Variants in GABBR2 observed in about 807,000 individuals in gnomAD.
GABBR2 encodes the protein G-protein coupled receptor 51.
A neutral mutation model predicts 105.6 loss-of-function variants in GABBR2; 23 were observed. The ratio of observed to expected loss-of-function variants is 0.22; its 90% CI spans 0.16 to 0.31. The LOEUF is 0.31. Among genes scored for constraint, GABBR2 ranks in the 10% least tolerant of loss-of-function variants. The pLI is 1.00. For missense variants in GABBR2, 734 were observed against 1,245.5 expected (o/e 0.59, Z 6.18); for synonymous variants, 478 against 499.7 (o/e 0.96, Z 0.58).
intron 13 of GABBR2, among the ~76,000 whole-genome samples, chr9:98,348,651 C>G (rs903371225): frequency 6.6e-6 from 1 of 152,112 alleles, no homozygotes; most frequent in Admixed American, 6.5e-5. Flanking sequence ...TCTTTCACTT[C>G]CTTGGTCAAT....
intron 3 of GABBR2, among the ~76,000 whole-genome samples, chr9:98,524,168 G>T (rs1295491813): frequency 6.6e-6 from 1 of 152,124 alleles, no homozygotes; most frequent in Non-Finnish European, 1.5e-5. Flanking sequence ...CTTGTAAAAA[G>T]GGCAGACTGA....
intron 1 of GABBR2, among the ~76,000 whole-genome samples, chr9:98,578,280 A>C (rs1441003069): frequency 3.9e-5 from 6 of 151,994 alleles, no homozygotes; most frequent in Non-Finnish European, 8.8e-5. Flanking sequence ...TGCTCCCGCT[A>C]AGTGCCCTCC....
At chr9:98,641,854 G>A (rs969303337) in intron 1 of GABBR2, among the ~76,000 whole-genome samples, 1 of 152,158 alleles carries the variant, frequency 6.6e-6, no homozygotes. Context: ...TAAAAGGAGA[G>A]AAGGCAGCAC....
At chr9:98,569,227 C>T (rs1053042726) in intron 2 of GABBR2, among the ~76,000 whole-genome samples, 2 of 152,132 alleles carry the variant, frequency 1.3e-5, no homozygotes, top group South Asian at 2.1e-4. Context: ...GGCTCACTTG[C>T]GTGCTCTGTG....
At chr9:98,320,483 T>C (rs533382386) in intron 13 of GABBR2, among the ~76,000 whole-genome samples, 3,902 of 152,108 alleles carry the variant, frequency 0.026, 176 homozygotes, top group African/African-American at 0.09. Context: ...ACTGGGTATA[T>C]ACCCAAAGGA....
chr9:98,411,620 G>T (rs932629990), intron 7 of GABBR2, among the ~76,000 whole-genome samples: 4 of 151,862 alleles, frequency 2.6e-5, no homozygotes, highest in African/African-American at 9.7e-5. Context: ...AGAGAGTAGT[G>T]GTACCATCAT....
intron 7 of GABBR2, among the ~76,000 whole-genome samples, chr9:98,406,760 G>A (rs1370828092): frequency 6.6e-6 from 1 of 152,230 alleles, no homozygotes; most frequent in Non-Finnish European, 1.5e-5. Flanking sequence ...CCCCTCATTA[G>A]GGACCTTGGG....
At chr9:98,336,965 C>T (rs547459566) in intron 13 of GABBR2, among the ~76,000 whole-genome samples, 4 of 143,148 alleles carry the variant, frequency 2.8e-5, no homozygotes, top group Middle Eastern at 3.6e-3. Context: ...GAGCAAAACT[C>T]TCTATTTGCA....
At chr9:98,639,751 C>G (rs539538760) in intron 1 of GABBR2, among the ~76,000 whole-genome samples, 102 of 152,236 alleles carry the variant, frequency 6.7e-4, no homozygotes, top group Non-Finnish European at 1.2e-3. Flanking sequence ...TTGCAACTTG[C>G]AGTGTCTGCA....
intron 13 of GABBR2, among the ~76,000 whole-genome samples, chr9:98,322,971 G>A (rs1228651577): frequency 6.6e-6 from 1 of 151,994 alleles, no homozygotes; most frequent in Non-Finnish European, 1.5e-5. Flanking sequence ...GCCAGATTCT[G>A]TGCTGAGTGT....
chr9:98,477,828 C>G (rs1826825379), intron 5 of GABBR2, among the ~76,000 whole-genome samples: 1 of 152,178 alleles, frequency 6.6e-6, no homozygotes, highest in Non-Finnish European at 1.5e-5. Flanking sequence ...AGGCAGTTAA[C>G]AGTTAGGATG....
intron 4 of GABBR2, among the ~76,000 whole-genome samples, chr9:98,481,513 A>T (rs1314825188): frequency 6.6e-6 from 1 of 152,178 alleles, no homozygotes; most frequent in South Asian, 2.1e-4. Flanking sequence ...CCTGATAGTT[A>T]ATCCCTCAAG....
chr9:98,642,045 C>T (rs995573034), intron 1 of GABBR2, among the ~76,000 whole-genome samples: 9 of 152,244 alleles, frequency 5.9e-5, no homozygotes, highest in Admixed American at 1.3e-4. Flanking sequence ...TACGGCAGCC[C>T]TGGGAACAGT....
At chr9:98,673,767 C>A (rs1450613592) in intron 1 of GABBR2, among the ~76,000 whole-genome samples, 2 of 152,152 alleles carry the variant, frequency 1.3e-5, no homozygotes, top group Non-Finnish European at 2.9e-5. Context: ...GAAAGCCTTG[C>A]ATAATTGCCA....
intron 2 of GABBR2, among the ~76,000 whole-genome samples, chr9:98,572,479 A>G (rs181978089): frequency 6.6e-6 from 1 of 152,246 alleles, no homozygotes; most frequent in Admixed American, 6.5e-5. Flanking sequence ...GCAGTTTTCC[A>G]TTTGTGAAGC....
chr9:98,514,248 C>A (rs914819419), intron 3 of GABBR2, among the ~76,000 whole-genome samples: 2 of 131,302 alleles, frequency 1.5e-5, no homozygotes, highest in Admixed American at 7.6e-5. Context: ...ACTCTGGGGA[C>A]TGTTGTGGGG....
intron 1 of GABBR2, among the ~76,000 whole-genome samples, chr9:98,617,206 C>T (rs1829599307): frequency 6.6e-6 from 1 of 152,174 alleles, no homozygotes. Context: ...TTAAACTATG[C>T]CACAAACTAA....
At chr9:98,427,563 A>G (rs1232894641) in intron 7 of GABBR2, among the ~76,000 whole-genome samples, 1 of 152,236 alleles carries the variant, frequency 6.6e-6, no homozygotes, top group African/African-American at 2.4e-5. Flanking sequence ...CCTGGCGGTC[A>G]CTACCAAATT....
chr9:98,539,283 G>A (rs1015116094), intron 3 of GABBR2, among the ~76,000 whole-genome samples: 1 of 152,164 alleles, frequency 6.6e-6, no homozygotes, highest in Non-Finnish European at 1.5e-5. Flanking sequence ...AATCTATAAG[G>A]CACACAACCA....
Sources: allele counts gnomAD v4.1 joint callset (sites outside exome capture counted in the v4.1 genomes callset), GRCh38; gene constraint gnomAD v4.1.1; transcripts MANE v1.5; gene names NCBI Gene and HGNC (gene_info 2026-07-23, HGNC 2026-07-21).